Variants in GSDMC observed in about 807,000 individuals in gnomAD.
GSDMC encodes gasdermin C.
A neutral mutation model predicts 58.0 loss-of-function variants in GSDMC; 59 were observed. The ratio of observed to expected loss-of-function variants is 1.02; its 90% CI spans 0.82 to 1.26. GSDMC has a LOEUF of 1.26. GSDMC is among the 50% of genes most tolerant of loss of function. GSDMC has a pLI of 0.00. For synonymous variants in GSDMC, 241 were observed against 220.2 expected (o/e 1.09, Z -0.83); for missense variants, 659 against 598.5 (o/e 1.10, Z -1.06).
rs1373401610 is a variant in GSDMC, at chr8:129,751,770, G to A, written c.916+92C>T. 7 of 1,344,276 alleles carry A rather than the reference G, an allele frequency of 5.2e-6. No homozygotes were observed. The East Asian group carries it at 9.2e-5, about 18-fold the overall frequency. The allele number at this position is 1,344,276 out of a possible 1,614,324, so 83.3% of individuals were successfully genotyped here. ...CCAAACGCCAGGCCCTAGGGCGGTG[G>A]TGGCAAAGGCGAGGCAGGGGCAATC... On this transcript the variant is annotated intron_variant, in intron 9 of 13. Coordinates refer to ENST00000276708, the MANE Select transcript of GSDMC (RefSeq NM_031415.3).
At chr8:129,752,921 C>A in intron 6 of GSDMC, 101 bp from the exon 7 acceptor site, 2 of 1,556,198 alleles carry the variant, frequency 1.3e-6, no homozygotes, top group Non-Finnish European at 1.7e-6. Flanking sequence ...TCAATCAGTG[C>A]CAGTGCACGA....
At chr8:129,779,245 G>C (rs140755275) in intron 1 of GSDMC, among the ~76,000 whole-genome samples, 1 of 152,102 alleles carries the variant, frequency 6.6e-6, no homozygotes, top group South Asian at 2.1e-4. Flanking sequence ...TAAAGAAAAC[G>C]CGGTACATAT....
chr8:129,748,711 T>A lies in GSDMC; in HGVS notation c.1317A>T (p.Arg439Ser), dbSNP rs569568081. Reference sequence around the variant, plus strand: ...GGGTGAAGGGAATGCTCCAGGGGTATCTGAAGTTTGGCTCCAGGATGCTCC... The same window carrying A: ...GGGTGAAGGGAATGCTCCAGGGGTAACTGAAGTTTGGCTCCAGGATGCTCC... ...LVRSILEPNF[R>S]YPWSIPFTLK... Residue 439 changes from arginine to serine, a missense_variant, in exon 14 of 14, where the codon AGA (arginine) becomes AGT (serine). Physicochemically the swap from Arg to Ser is moderately radical, Grantham distance 110. Transcript: ENST00000276708. 47 of 1,544,210 alleles carry A rather than the reference T, an allele frequency of 3.0e-5. No individual in the cohort carries two copies. The South Asian group carries it at 4.7e-4, about 16-fold the overall frequency.
chr8:129,739,592 C>G, the GSDMC span, among the ~76,000 whole-genome samples: 2 of 152,138 alleles, frequency 1.3e-5, no homozygotes, highest in East Asian at 1.9e-4. Context: ...GCTGAAAAAT[C>G]CTATCGCCTG....
intron 4 of GSDMC, 38 bp downstream of exon 4, chr8:129,765,590 T>C: frequency 6.5e-7 from 1 of 1,528,038 alleles, no homozygotes; most frequent in Non-Finnish European, 9.1e-7. Context: ...TGGCTGTATT[T>C]TTTTGAATTT....
chr8:129,772,350 T>G (rs1462726731), intron 3 of GSDMC, among the ~76,000 whole-genome samples: 1 of 147,572 alleles, frequency 6.8e-6, no homozygotes, highest in Non-Finnish European at 1.5e-5. Context: ...AACTGAGGGG[T>G]TTTTTGAAAA....
intron 13 of GSDMC, 144 bp from the exon 14 acceptor site, chr8:129,748,884 A>G (rs2130314425): frequency 1.8e-6 from 1 of 548,128 alleles, no homozygotes; most frequent in East Asian, 3.3e-5. Context: ...CATGCTGGTC[A>G]TACCCTACGA....
chr8:129,736,181 C>A, the GSDMC span, among the ~76,000 whole-genome samples: 2 of 152,128 alleles, frequency 1.3e-5, no homozygotes, highest in Non-Finnish European at 2.9e-5. Flanking sequence ...AGTCCAGGAC[C>A]AGATGGATTC....
chr8:129,752,679 A>C lies in GSDMC; in HGVS notation c.844+19T>G. The C allele has an allele frequency of 6.2e-7, 1 of 1,613,826 alleles. No homozygotes were observed. Among genetic ancestry groups the C allele is most frequent in the African/African-American group, 1.3e-5 (1 of 75,072 alleles). On this transcript the variant is annotated intron_variant, in intron 7 of 13. Coordinates refer to ENST00000276708, the MANE Select transcript of GSDMC (RefSeq NM_031415.3). ...AAGCATCAACATAGAAGTAAAAATA[A>C]AGTGAGCAATCACAGTACCTGGTTT...
the GSDMC span, among the ~76,000 whole-genome samples, chr8:129,740,697 C>T: frequency 1.3e-5 from 2 of 152,090 alleles, no homozygotes; most frequent in African/African-American, 4.8e-5. Flanking sequence ...AATGTAGCTC[C>T]ATCATTAAGC....
the GSDMC span, among the ~76,000 whole-genome samples, chr8:129,720,864 CAGAGACGTAGTGA>C: frequency 6.6e-6 from 1 of 152,132 alleles, no homozygotes; most frequent in East Asian, 1.9e-4. Context: ...GAAGCAGATT[CAGAGACGTAGTGA>C]AAATAAAATG....
At chr8:129,765,861 T>A in intron 3 of GSDMC, 68 bp from the exon 4 acceptor site, 12 of 1,384,766 alleles carry the variant, frequency 8.7e-6, no homozygotes, top group Non-Finnish European at 8.0e-6. Flanking sequence ...TTACTCTGGG[T>A]GCCCTTCTCC....
At chr8:129,758,268 T>G (rs768236574) in intron 6 of GSDMC, among the ~76,000 whole-genome samples, 1 of 151,850 alleles carries the variant, frequency 6.6e-6, no homozygotes, top group Non-Finnish European at 1.5e-5. Flanking sequence ...TCATACTGAG[T>G]GGGGAAAAAT....
the GSDMC span, among the ~76,000 whole-genome samples, chr8:129,713,312 C>G: frequency 4.6e-5 from 7 of 152,152 alleles, no homozygotes; most frequent in Admixed American, 4.6e-4. Flanking sequence ...ATGTGACTGG[C>G]CGTGGGGAGG....
chr8:129,776,888 G>A (rs754133834), intron 2 of GSDMC, among the ~76,000 whole-genome samples: 2 of 151,770 alleles, frequency 1.3e-5, no homozygotes, highest in African/African-American at 4.8e-5. Context: ...AGCCTCCCGA[G>A]TAGCTGGGAC....
At chr8:129,777,237 C>A (rs2034263192) in intron 2 of GSDMC, 131 bp downstream of exon 2, 1 of 611,566 alleles carries the variant, frequency 1.6e-6, no homozygotes, top group Non-Finnish European at 2.9e-6. Context: ...GTTTCTTGCC[C>A]CTTGCCTATA....
At chr8:129,751,513 C>A (rs1312361681) in intron 10 of GSDMC, 29 bp downstream of exon 10, 1 of 1,597,754 alleles carries the variant, frequency 6.3e-7, no homozygotes. Flanking sequence ...CACCCAGAAG[C>A]CCCAGGTTCC....
chr8:129,779,020 A>C (rs2034332677), intron 1 of GSDMC, among the ~76,000 whole-genome samples: 1 of 152,240 alleles, frequency 6.6e-6, no homozygotes, highest in Non-Finnish European at 1.5e-5. Context: ...GGGAATGTAA[A>C]TTAGTTCAAC....
At chr8:129,727,403 G>A in the GSDMC span, among the ~76,000 whole-genome samples, 4 of 152,294 alleles carry the variant, frequency 2.6e-5, no homozygotes, top group East Asian at 3.9e-4. Context: ...TCCCAGGGAG[G>A]AGAACGCCGG....
Sources: gnomAD v4.1 joint callset for allele counts (sites outside exome capture counted in the v4.1 genomes callset) on GRCh38, gnomAD v4.1.1 for gene constraint, MANE v1.5 for transcripts, NCBI Gene and HGNC (gene_info 2026-07-23, HGNC 2026-07-21) for gene names.